JMY: variants seen among roughly 807,000 people sequenced by gnomAD.
The protein encoded by JMY is junction-mediating and -regulatory protein.
In JMY, 46 loss-of-function variants were observed where a neutral mutation model predicts 103.3. The observed-to-expected ratio is 0.45, with a 90% confidence interval of 0.35 to 0.57. The LOEUF is 0.57. Ranked by LOEUF, JMY falls within the 20% of genes least tolerant of loss-of-function variation. The pLI is 0.00. For synonymous variants in JMY, 526 were observed against 489.3 expected, an observed-to-expected ratio of 1.07 and a Z score of -0.99; for missense variants, 1,238 against 1,255.2, an observed-to-expected ratio of 0.99 and a Z score of 0.21.
At chr5:79,318,669 T>G (rs905877753) in intron 10 of JMY, among the ~76,000 whole-genome samples, 34 of 152,016 alleles carry the variant, frequency 2.2e-4, no homozygotes, top group African/African-American at 8.0e-4. Context: ...TTTGTATGAC[T>G]TATGTTTTTG....
In JMY at chr5:79,300,823, G is replaced by A; in HGVS notation, c.1841G>A (p.Gly614Glu). The A allele has an allele frequency of 6.2e-7, 1 of 1,602,818 alleles. No homozygotes were observed. The highest frequency in any genetic ancestry group is 1.7e-4 in the Middle Eastern group (1 of 6,024). Reference sequence around the variant, plus strand: ...GCACGCCAGCTGGAAGCAAGACGTGGACGGGTTTCTGCCAAGAAATCCTAC... The same window carrying A: ...GCACGCCAGCTGGAAGCAAGACGTGAACGGGTTTCTGCCAAGAAATCCTAC... ...QKARQLEARRGRVSAKKSYLR... is the reference protein window; with the variant it reads ...QKARQLEARRERVSAKKSYLR... Residue 614 changes from glycine (G) to glutamate (E), a missense_variant, in exon 6 of 11, where the codon GGA becomes GAA. Physicochemically the swap from Gly to Glu is moderately conservative, Grantham distance 98. Coordinates refer to ENST00000396137, the MANE Select transcript of JMY (RefSeq NM_152405.5).
intron 2 of JMY, chr5:79,284,878 T>C: frequency 6.4e-7 from 1 of 1,568,192 alleles, no homozygotes; most frequent in Admixed American, 1.7e-5. Flanking sequence ...GGCCCCCTTT[T>C]TGCTGCCTTT....
intron 1 of JMY, among the ~76,000 whole-genome samples, chr5:79,238,040 C>T (rs539252343): frequency 6.6e-6 from 1 of 152,256 alleles, no homozygotes; most frequent in Middle Eastern, 3.4e-3. Flanking sequence ...AATAACTGCC[C>T]AGATGTCAAC....
rs754294708 is a variant in JMY at position 79,314,418 on chromosome 5, C to G, written c.2226C>G (p.Val742=). 63 of 1,614,136 alleles carry G rather than the reference C, an allele frequency of 3.9e-5. 1 individual carries two copies. The South Asian group carries it at 4.7e-4, about 12-fold the overall frequency. ...CTGAAGAGGTGGGAGAAGGAAGAGTCAAGCGTGGGCCATCACAGACAACAG... is the reference window on the plus strand; with the variant it reads ...CTGAAGAGGTGGGAGAAGGAAGAGTGAAGCGTGGGCCATCACAGACAACAG... ...EKTEEVGEGR[V]KRGPSQTTEP... Residue 742 remains valine (V), a synonymous_variant, in exon 9 of 11, where the codon GTC becomes GTG. Transcript: ENST00000396137.
intron 10 of JMY, among the ~76,000 whole-genome samples, chr5:79,319,230 A>G (rs1365177375): frequency 5.3e-5 from 8 of 152,208 alleles, no homozygotes; most frequent in Non-Finnish European, 1.2e-4. Flanking sequence ...AGATGTTAAC[A>G]TGGTGCATGG....
intron 7 of JMY, among the ~76,000 whole-genome samples, chr5:79,310,146 T>TA (rs757620746): frequency 7.8e-6 from 1 of 128,696 alleles, no homozygotes; most frequent in Non-Finnish European, 1.6e-5. Context: ...CACTGCAACC[T>TA]CTACCTCCTG....
In JMY at chr5:79,281,076, G is replaced by A. The variant is rs754316798; in HGVS notation, c.1206+2993G>A. ...ATTTATTTTTTTGAGACAGAGTCTC[G>A]CTCTGTTGCCCAGGCTGGAGTGCAG... On this transcript the variant is annotated intron_variant, in intron 2 of 10. Coordinates refer to ENST00000396137, the MANE Select transcript of JMY (RefSeq NM_152405.5). 8.5e-4 allele frequency among the ~76,000 whole-genome samples: 128 copies of A among 151,148 alleles called. 1 individual carries two copies. The highest frequency in any genetic ancestry group is 3.4e-3 in the Middle Eastern group (1 of 294).
intron 10 of JMY, among the ~76,000 whole-genome samples, chr5:79,318,151 G>A (rs1350039506): frequency 6.6e-6 from 1 of 150,506 alleles, no homozygotes; most frequent in Non-Finnish European, 1.5e-5. Context: ...ACAGGCGACT[G>A]CCATGATGCC....
At chr5:79,270,559 TAAATATTTAA>T (rs1745739104) in intron 1 of JMY, among the ~76,000 whole-genome samples, 1 of 132,884 alleles carries the variant, frequency 7.5e-6, no homozygotes, top group Non-Finnish European at 1.6e-5. Flanking sequence ...TATATTTACA[TAAATATTTAA>T]AATGTATATT....
Position 79,314,804 on chromosome 5 carries a change from C to A in JMY, c.2612C>A (p.Ala871Glu). 2 of 1,601,984 alleles carry A rather than the reference C, an allele frequency of 1.2e-6. No homozygotes were observed. The highest frequency in any genetic ancestry group is 1.7e-6 in the Non-Finnish European group (2 of 1,175,232). ...HLFDSSQLVS[A>E]RKKLRKTAEG... ...TTTGACAGCAGCCAGCTGGTCAGTG[C>A]ACGGAAGAAGCTCAGAAAGACTGCT... The change falls in exon 9 of 11, where the codon GCA becomes GAA. Residue 871 changes from alanine to glutamate, a missense_variant. By Grantham distance (107) the Ala-to-Glu change is moderately radical. Coordinates refer to ENST00000396137, the MANE Select transcript of JMY (RefSeq NM_152405.5).
chr5:79,298,277 G>A (rs1391920740), intron 4 of JMY, among the ~76,000 whole-genome samples: 2 of 152,118 alleles, frequency 1.3e-5, no homozygotes, highest in African/African-American at 2.4e-5. Flanking sequence ...TTAACTTAAC[G>A]ATTCCCCACT....
intron 2 of JMY, chr5:79,285,027 G>T: frequency 2.9e-6 from 2 of 690,534 alleles, no homozygotes; most frequent in Non-Finnish European, 4.9e-6. Flanking sequence ...ATGAGTCAGA[G>T]CCAGCTGGAC....
chr5:79,282,238 A>G (rs942878383), intron 2 of JMY, among the ~76,000 whole-genome samples: 5 of 152,130 alleles, frequency 3.3e-5, no homozygotes, highest in African/African-American at 1.2e-4. Flanking sequence ...AAATTCTAGA[A>G]ATGATGATTT....
chr5:79,270,283 A>ATAAAATATATATTTACATAAATATT (rs1177071362), intron 1 of JMY, among the ~76,000 whole-genome samples: 8 of 147,388 alleles, frequency 5.4e-5, no homozygotes, highest in African/African-American at 2.0e-4. Flanking sequence ...ATATGTTTAT[A>ATAAAATATATATTTACATAAATATT]TAAAATATAT....
chr5:79,272,746 G>A (rs895263154), intron 1 of JMY, among the ~76,000 whole-genome samples: 53 of 152,232 alleles, frequency 3.5e-4, no homozygotes, highest in Middle Eastern at 3.4e-3. Flanking sequence ...TGATTCTCGT[G>A]CCTCAGCTTC....
intron 2 of JMY, chr5:79,284,979 C>T: frequency 9.5e-7 from 1 of 1,053,960 alleles, no homozygotes; most frequent in Non-Finnish European, 1.4e-6. Context: ...GAAGTTGAAA[C>T]TAGACGAACC....
chr5:79,299,207 T>G (rs1455879622), intron 4 of JMY, among the ~76,000 whole-genome samples: 1 of 152,224 alleles, frequency 6.6e-6, no homozygotes, highest in Non-Finnish European at 1.5e-5. Flanking sequence ...TTCCTGGAGC[T>G]GCTAAGCATG....
chr5:79,260,179 C>T (rs906142962), intron 1 of JMY, among the ~76,000 whole-genome samples: 1 of 152,242 alleles, frequency 6.6e-6, no homozygotes, highest in Non-Finnish European at 1.5e-5. Flanking sequence ...TACCCTTCAG[C>T]CAGGTGCTCA....
chr5:79,318,454 A>G (rs191010693), intron 10 of JMY, among the ~76,000 whole-genome samples: 1 of 152,320 alleles, frequency 6.6e-6, no homozygotes, highest in African/African-American at 2.4e-5. Flanking sequence ...TACATTAGGT[A>G]AAATATTACT....
Sources: gnomAD v4.1 joint callset for allele counts (sites outside exome capture counted in the v4.1 genomes callset) on GRCh38, gnomAD v4.1.1 for gene constraint, MANE v1.5 for transcripts, NCBI Gene and HGNC (gene_info 2026-07-23, HGNC 2026-07-21) for gene names.